Variants in NAA30 observed in about 807,000 individuals in gnomAD.
NAA30 encodes the protein N-alpha-acetyltransferase 30.
NAA30 carries 5 observed loss-of-function variants against 31.4 expected under a neutral mutation model. The ratio of observed to expected loss-of-function variants is 0.16; its 90% confidence interval spans 0.08 to 0.33. NAA30 has a LOEUF of 0.33. NAA30 is among the 10% of genes least tolerant of loss of function. The probability of loss-of-function intolerance (pLI) is 1.00; values close to 1 mark genes in which losing one functional copy is unlikely to be tolerated. For synonymous variants in NAA30, 222 were observed against 207.1 expected, an observed-to-expected ratio of 1.07 and a Z score of -0.62; for missense variants, 428 against 490.8, an observed-to-expected ratio of 0.87 and a Z score of 1.21.
intron 4 of NAA30, among the ~76,000 whole-genome samples, chr14:57,403,510 A>G (rs2066485901): frequency 6.6e-6 from 1 of 152,218 alleles, no homozygotes; most frequent in Non-Finnish European, 1.5e-5. Flanking sequence ...CCAACTTTTC[A>G]TATCAGAATT....
At chr14:57,403,362 G>A (rs996099069) in intron 4 of NAA30, among the ~76,000 whole-genome samples, 1 of 151,694 alleles carries the variant, frequency 6.6e-6, no homozygotes, top group African/African-American at 2.4e-5. Context: ...GTTCTTTGTT[G>A]TTACTAGTCA....
At position 57,391,841 on chromosome 14, in the gene NAA30, CGTTA is replaced by C; in HGVS notation, c.771+114_771+117del. On this transcript the variant is annotated intron_variant, in intron 2 of 4. Coordinates refer to ENST00000556492, the MANE Select transcript of NAA30 (RefSeq NM_001011713.3). The surrounding 1 kb of genome is among the most constrained non-coding windows in gnomAD (Gnocchi z 4.1). ...ATATCTCCTGCTGCGTATCATAGTACGTTATATGATGTCAAGTGCTGTACACATT... is the reference window on the plus strand; with the variant it reads ...ATATCTCCTGCTGCGTATCATAGTACTATGATGTCAAGTGCTGTACACATT... The C allele has an allele frequency of 3.8e-6, 3 of 795,334 alleles. No individual in the cohort carries two copies. Among genetic ancestry groups the C allele is most frequent in the Non-Finnish European group, 6.1e-6 (3 of 489,858 alleles). The allele number at this position is 795,334 out of a possible 1,614,324, so 49.3% of individuals were successfully genotyped here.
intron 2 of NAA30, among the ~76,000 whole-genome samples, chr14:57,394,110 TAAAAAA>T (rs11326184): frequency 7.3e-6 from 1 of 137,286 alleles, no homozygotes; most frequent in Non-Finnish European, 1.6e-5. Context: ...GTAAAAGATG[TAAAAAA>T]AAAAAAAAAA....
chr14:57,391,377 C>T lies in NAA30; in HGVS notation c.420C>T (p.His140=). Residue 140 remains histidine (H), a synonymous_variant, in exon 2 of 5, where the codon CAC becomes CAT. Coordinates refer to ENST00000556492, the MANE Select transcript of NAA30 (RefSeq NM_001011713.3). This position sits in a 1 kb window ranked among gnomAD's most constrained non-coding sequence, Gnocchi z 4.1. The part of the protein sequence containing the change: ...AGVHSGERPP[H]SLSSNARTAV... The stretch of plus-strand genomic sequence containing the variant: ...TACACTCGGGCGAGAGGCCCCCTCA[C>T]TCCCTCTCTAGTAATGCAAGAACTG... The T allele has an allele frequency of 6.2e-7, 1 of 1,610,712 alleles. No individual in the cohort carries two copies. The highest frequency in any genetic ancestry group is 8.5e-7 in the Non-Finnish European group (1 of 1,178,932).
chr14:57,395,787 C>G (rs1383338183), intron 2 of NAA30, among the ~76,000 whole-genome samples: 1 of 151,982 alleles, frequency 6.6e-6, no homozygotes, highest in Non-Finnish European at 1.5e-5. Context: ...CAGGAGTATC[C>G]TAAAAATGAG....
At chr14:57,390,830 A>C in intron 1 of NAA30, 125 bp downstream of exon 1, 1 of 880,170 alleles carries the variant, frequency 1.1e-6, no homozygotes. Context: ...ATTGGGGGGC[A>C]GCTCCGTGAG....
rs988827721 is a variant in NAA30 at position 57,414,358 on chromosome 14, T to C, written c.*4842T>C. 1 of 152,252 alleles carries C rather than the reference T, an allele frequency of 6.6e-6. No individual in the cohort carries two copies. The highest frequency in any genetic ancestry group is 2.4e-5 in the African/African-American group (1 of 41,472). 9.4% of individuals were successfully genotyped at this position (152,252 alleles called of 1,614,324 possible). Reference sequence around the variant, plus strand: ...TCCACCCCACCAACCACTGCCCTTGTTATGTAGCCTTTCTGAGAAAAGCAG... The same window carrying C: ...TCCACCCCACCAACCACTGCCCTTGCTATGTAGCCTTTCTGAGAAAAGCAG... On this transcript the variant is annotated 3_prime_UTR_variant, in exon 5 of 5. Coordinates refer to ENST00000556492, the MANE Select transcript of NAA30 (RefSeq NM_001011713.3).
At chr14:57,392,436 G>C (rs80302979) in intron 2 of NAA30, among the ~76,000 whole-genome samples, 1 of 151,992 alleles carries the variant, frequency 6.6e-6, no homozygotes, top group Non-Finnish European at 1.5e-5. Context: ...TTAAGAAACT[G>C]GTTGTAGATG....
rs372891619 is a variant in NAA30 at position 57,391,534 on chromosome 14, G to T, written c.577G>T (p.Ala193Ser). The change falls in exon 2 of 5, where the codon GCC (alanine) becomes TCC (serine). Residue 193 changes from alanine (A) to serine (S), a missense_variant. Ala to Ser is a moderately conservative substitution (Grantham distance 99). Around this residue, in one of 2 missense-constraint regions of NAA30, gnomAD observed 349 missense variants for 310.4 expected, o/e 1.12. Transcript: ENST00000556492. The surrounding 1 kb of genome is among the most constrained non-coding windows in gnomAD (Gnocchi z 4.1). ...QVRLLSSSLT[A>S]DCSLRSPSGR... ...GCGGCTGCTGTCTTCGTCCCTGACC[G>T]CCGACTGCAGCTTAAGAAGCCCTTC... 8.6e-5 allele frequency: 139 copies of T among 1,613,700 alleles called. No individual in the cohort carries two copies. Among genetic ancestry groups the T allele is most frequent in the Non-Finnish European group, 1.1e-4 (133 of 1,180,024 alleles).
intron 4 of NAA30, among the ~76,000 whole-genome samples, chr14:57,405,370 A>G (rs2066494143): frequency 6.6e-6 from 1 of 151,282 alleles, no homozygotes; most frequent in Non-Finnish European, 1.5e-5. Flanking sequence ...TATCTTTTTA[A>G]TTAGACTATA....
At chr14:57,392,989 A>G (rs1023228241) in intron 2 of NAA30, among the ~76,000 whole-genome samples, 1 of 152,208 alleles carries the variant, frequency 6.6e-6, no homozygotes, top group African/African-American at 2.4e-5. Flanking sequence ...GCATTGTATC[A>G]GAATAGTTCT....
At chr14:57,396,717 A>C in intron 2 of NAA30, 35 bp from the exon 3 acceptor site, 1 of 1,612,380 alleles carries the variant, frequency 6.2e-7, no homozygotes, top group Non-Finnish European at 8.5e-7. Flanking sequence ...ACCTGATGGC[A>C]ATGTATTCTT....
intron 2 of NAA30, among the ~76,000 whole-genome samples, chr14:57,393,825 G>T (rs1223087340): frequency 6.6e-6 from 1 of 152,060 alleles, no homozygotes; most frequent in Non-Finnish European, 1.5e-5. Flanking sequence ...GGTAAAGCTA[G>T]AACCCAGTTC....
chr14:57,391,254 C>G lies in NAA30; in HGVS notation c.297C>G (p.Ala99=). The change falls in exon 2 of 5, where the codon GCC becomes GCG. Residue 99 remains alanine, a synonymous_variant. Coordinates refer to ENST00000556492, the MANE Select transcript of NAA30 (RefSeq NM_001011713.3). The surrounding 1 kb of genome is among the most constrained non-coding windows in gnomAD (Gnocchi z 4.1). ...AACTGCGGCACCTCCGGGCGGCCGCCTCCCTCAAGAGCAAGGTCCTGAGCG... is the reference window on the plus strand; with the variant it reads ...AACTGCGGCACCTCCGGGCGGCCGCGTCCCTCAAGAGCAAGGTCCTGAGCG... The part of the protein sequence containing the change: ...SPELRHLRAA[A]SLKSKVLSVA... 6.2e-7 allele frequency: 1 copy of G among 1,612,194 alleles called. No homozygotes were observed. Among genetic ancestry groups the G allele is most frequent in the East Asian group, 2.2e-5 (1 of 44,858 alleles).
chr14:57,396,609 C>T, intron 2 of NAA30, 143 bp from the exon 3 acceptor site: 1 of 718,636 alleles, frequency 1.4e-6, no homozygotes, highest in South Asian at 2.3e-5. Flanking sequence ...ATTTCTGAAA[C>T]TTCTGTGACT....
chr14:57,392,121 A>G (rs911127173), intron 2 of NAA30, among the ~76,000 whole-genome samples: 2 of 152,198 alleles, frequency 1.3e-5, no homozygotes, highest in African/African-American at 2.4e-5. Context: ...CTCGATTACA[A>G]CCATAATCAG....
At chr14:57,396,904 A>G in intron 3 of NAA30, 29 bp downstream of exon 3, 1 of 1,608,846 alleles carries the variant, frequency 6.2e-7, no homozygotes, top group Non-Finnish European at 8.5e-7. Flanking sequence ...TATGGAAAGA[A>G]TGCCTAAGCT....
At chr14:57,400,845 A>G (rs975522324) in intron 4 of NAA30, among the ~76,000 whole-genome samples, 2 of 150,942 alleles carry the variant, frequency 1.3e-5, no homozygotes, top group Admixed American at 1.3e-4. Context: ...CCATCTTTCC[A>G]TTGATAGCTA....
chr14:57,397,670 T>C (rs898042924), intron 3 of NAA30, among the ~76,000 whole-genome samples: 5 of 152,340 alleles, frequency 3.3e-5, no homozygotes, highest in African/African-American at 1.2e-4. Flanking sequence ...CTCACGCCTA[T>C]AATCCCAGCA....
Sources: gnomAD v4.1 joint callset for allele counts (sites outside exome capture counted in the v4.1 genomes callset) on GRCh38, gnomAD v4.1.1 for gene constraint, gnomAD v4.1.1 regional missense constraint, Gnocchi (gnomAD v3.1) non-coding constraint, MANE v1.5 for transcripts, NCBI Gene and HGNC (gene_info 2026-07-23, HGNC 2026-07-21) for gene names.